Variants in GRIN2A observed in about 807,000 individuals in gnomAD.
The protein encoded by GRIN2A is glutamate ionotropic receptor NMDA type subunit 2A.
In GRIN2A, 22 loss-of-function variants were observed where a neutral mutation model predicts 113.4. That is an observed-to-expected ratio of 0.19 (90% CI 0.14 to 0.28). The LOEUF (loss-of-function observed/expected upper bound fraction) is 0.28, where lower values mean the gene tolerates loss of function less well. GRIN2A is among the 10% of genes least tolerant of loss of function. GRIN2A has a pLI of 1.00. For missense variants in GRIN2A, 1,502 were observed against 1,887.0 expected, an observed-to-expected ratio of 0.80 and a Z score of 3.78; for synonymous variants, 827 against 738.4, an observed-to-expected ratio of 1.12 and a Z score of -1.94.
intron 2 of GRIN2A, among the ~76,000 whole-genome samples, chr16:9,979,114 G>A (rs540351430): frequency 6.6e-6 from 1 of 152,256 alleles, no homozygotes; most frequent in Admixed American, 6.5e-5. Context: ...TAAGCCAAGA[G>A]GAGACTAAGA....
In GRIN2A at chr16:9,943,608, A is replaced by G. The variant is rs539970235; in HGVS notation, c.415-5057T>C. ...TTATCTCTTTGATCCTAACTACTCA[A>G]GAGATAACGCAAGTGGCATAACACT... On this transcript the variant is annotated intron_variant, in intron 2 of 12. Coordinates refer to ENST00000330684, the MANE Select transcript of GRIN2A (RefSeq NM_001134407.3). 3.9e-5 allele frequency among the ~76,000 whole-genome samples: 6 copies of G among 152,312 alleles called. No homozygotes were observed. The South Asian group carries it at 1.2e-3, about 32-fold the overall frequency.
intron 2 of GRIN2A, among the ~76,000 whole-genome samples, chr16:9,996,569 G>A (rs992274066): frequency 3.3e-5 from 5 of 152,188 alleles, no homozygotes; most frequent in Non-Finnish European, 5.9e-5. Flanking sequence ...GCAGATTGTG[G>A]TGGGCACACC....
At chr16:9,846,229 A>G (rs2042769706) in intron 5 of GRIN2A, among the ~76,000 whole-genome samples, 1 of 152,066 alleles carries the variant, frequency 6.6e-6, no homozygotes, top group Non-Finnish European at 1.5e-5. Flanking sequence ...AGGAGAGTGG[A>G]GGCTGGGGGA....
At chr16:9,795,585 T>G (rs902471252) in intron 11 of GRIN2A, among the ~76,000 whole-genome samples, 1 of 152,220 alleles carries the variant, frequency 6.6e-6, no homozygotes, top group African/African-American at 2.4e-5. Flanking sequence ...GAGGTCTGCA[T>G]TGGGACCCCT....
intron 11 of GRIN2A, among the ~76,000 whole-genome samples, chr16:9,779,405 G>A (rs1596395566): frequency 6.6e-6 from 1 of 152,196 alleles, no homozygotes; most frequent in African/African-American, 2.4e-5. Context: ...AAATCCAGAA[G>A]CGAAATGGAT....
chr16:10,071,452 G>T (rs1178779641), intron 2 of GRIN2A, among the ~76,000 whole-genome samples: 1 of 152,212 alleles, frequency 6.6e-6, no homozygotes, highest in Non-Finnish European at 1.5e-5. Flanking sequence ...ATTTGGGCAT[G>T]TATCTCTTCT....
intron 3 of GRIN2A, among the ~76,000 whole-genome samples, chr16:9,937,503 A>T (rs1005460922): frequency 1.3e-5 from 2 of 152,162 alleles, no homozygotes; most frequent in Non-Finnish European, 2.9e-5. Flanking sequence ...TACCCACAAA[A>T]TTTTTTTAAA....
intron 2 of GRIN2A, among the ~76,000 whole-genome samples, chr16:10,003,146 T>C (rs1381139464): frequency 6.6e-6 from 1 of 152,178 alleles, no homozygotes; most frequent in East Asian, 1.9e-4. Context: ...GAGGCCTCCA[T>C]CTGTCTTCCT....
intron 11 of GRIN2A, among the ~76,000 whole-genome samples, chr16:9,772,847 A>G: frequency 6.8e-6 from 1 of 147,290 alleles, no homozygotes; most frequent in South Asian, 2.1e-4. Context: ...GTAAATAAAA[A>G]GATTTCCTTC....
chr16:10,164,507 C>G (rs1168174538), intron 2 of GRIN2A, among the ~76,000 whole-genome samples: 1 of 152,186 alleles, frequency 6.6e-6, no homozygotes, highest in Non-Finnish European at 1.5e-5. Context: ...TGAGTCTCTA[C>G]CTAGACTCCT....
chr16:10,019,616 A>T (rs977511279), intron 2 of GRIN2A, among the ~76,000 whole-genome samples: 1 of 152,226 alleles, frequency 6.6e-6, no homozygotes, highest in African/African-American at 2.4e-5. Flanking sequence ...AGATTAAATC[A>T]ACCCTGCCGG....
intron 2 of GRIN2A, among the ~76,000 whole-genome samples, chr16:10,005,077 T>C (rs2046382984): frequency 6.6e-6 from 1 of 152,220 alleles, no homozygotes; most frequent in South Asian, 2.1e-4. Context: ...TACAAAGTTT[T>C]GAGGCTAGAA....
chr16:9,796,154 A>C (rs1902969100), intron 11 of GRIN2A, among the ~76,000 whole-genome samples: 1 of 152,244 alleles, frequency 6.6e-6, no homozygotes, highest in Non-Finnish European at 1.5e-5. Context: ...AGATGCTTCG[A>C]GAGTGACACC....
In GRIN2A at chr16:9,764,295, C is replaced by G. The variant is rs764204930; in HGVS notation, c.3249G>C (p.Lys1083Asn). 1 of 1,613,910 alleles carries G rather than the reference C, an allele frequency of 6.2e-7. No homozygotes were observed. The highest frequency in any genetic ancestry group is 1.1e-5 in the South Asian group (1 of 91,054). Residue 1083 changes from lysine to asparagine, a missense_variant, in exon 13 of 13, where the codon AAG becomes AAC. By Grantham distance (94) the Lys-to-Asn change is moderately conservative (BLOSUM62 0). Around this residue, in one of 7 missense-constraint regions of GRIN2A, gnomAD observed 832 missense variants for 789.7 expected, o/e 1.05. Transcript: ENST00000330684. ...EPDNSKNHKT[K>N]DNFKRSVASK... is the part of the protein sequence containing the mutation. Reference sequence around the variant, plus strand: ...AGGCCACTGACCTTTTAAAGTTGTCCTTGGTTTTGTGGTTCTTACTGTTGT... The same window carrying G: ...AGGCCACTGACCTTTTAAAGTTGTCGTTGGTTTTGTGGTTCTTACTGTTGT...
intron 3 of GRIN2A, among the ~76,000 whole-genome samples, chr16:9,922,824 C>T (rs1418487706): frequency 6.6e-6 from 1 of 151,278 alleles, no homozygotes; most frequent in Non-Finnish European, 1.5e-5. Flanking sequence ...TTATTAGATT[C>T]TAATTAATTT....
chr16:9,977,212 A>G (rs1434079614), intron 2 of GRIN2A, among the ~76,000 whole-genome samples: 1 of 151,008 alleles, frequency 6.6e-6, no homozygotes, highest in African/African-American at 2.4e-5. Context: ...GGATCGCTTG[A>G]GCCCAGGAAT....
intron 2 of GRIN2A, among the ~76,000 whole-genome samples, chr16:9,963,380 T>C (rs1469970609): frequency 6.6e-6 from 1 of 152,020 alleles, no homozygotes; most frequent in Non-Finnish European, 1.5e-5. Flanking sequence ...CTGTCATCTA[T>C]ATTTTAAGCC....
At chr16:10,059,231 G>A (rs2047508434) in intron 2 of GRIN2A, among the ~76,000 whole-genome samples, 1 of 152,166 alleles carries the variant, frequency 6.6e-6, no homozygotes, top group African/African-American at 2.4e-5. Context: ...TAAGTGCAGT[G>A]GGTAGCCATG....
At chr16:10,008,626 T>C (rs776961980) in intron 2 of GRIN2A, among the ~76,000 whole-genome samples, 1 of 152,194 alleles carries the variant, frequency 6.6e-6, no homozygotes. Context: ...GGTAACTTCC[T>C]ATAGGTACTC....
Sources: allele counts gnomAD v4.1 joint callset (sites outside exome capture counted in the v4.1 genomes callset), GRCh38; gene constraint gnomAD v4.1.1; regional missense constraint gnomAD v4.1.1; transcripts MANE v1.5; gene names NCBI Gene and HGNC (gene_info 2026-07-23, HGNC 2026-07-21).